Variants in DIDO1 observed in about 807,000 individuals in gnomAD.
DIDO1 encodes death-inducer obliterator 1.
Under a neutral mutation model 99.4 loss-of-function variants are expected in DIDO1, and 16 were observed. That is an observed-to-expected ratio of 0.16 (90% CI 0.11 to 0.24). The LOEUF is 0.24. DIDO1 is among the 10% of genes least tolerant of loss of function. The pLI is 1.00. For synonymous variants in DIDO1, 1,366 were observed against 1,239.1 expected, an observed-to-expected ratio of 1.10 and a Z score of -2.15; for missense variants, 2,996 against 3,014.0, an observed-to-expected ratio of 0.99 and a Z score of 0.14.
chr20:62,879,748 A>C lies in DIDO1; in HGVS notation c.6208T>G (p.Phe2070Val). 1 of 1,611,580 alleles carries C rather than the reference A, an allele frequency of 6.2e-7. No individual in the cohort carries two copies. Residue 2070 changes from phenylalanine (F) to valine (V), a missense_variant, in exon 16 of 16, where the codon TTC becomes GTC. Coordinates refer to ENST00000395343, the MANE Select transcript of DIDO1 (RefSeq NM_001193369.2). This position sits in a 1 kb window ranked among gnomAD's most constrained non-coding sequence, Gnocchi z 6.3. ...TATTCGTGGCCTTTCCCCTCTCGGA[A>C]GTCGGCCGATGCCCACTGTCCGTCG... ...EADGQWASAD[F>V]REGKGHEYRN...
intron 6 of DIDO1, 152 bp downstream of exon 6, chr20:62,905,734 TG>T: frequency 6.2e-7 from 1 of 1,607,168 alleles, no homozygotes; most frequent in Non-Finnish European, 8.5e-7. Flanking sequence ...GGAGGCATCC[TG>T]GACATGGGCT....
intron 1 of DIDO1, among the ~76,000 whole-genome samples, chr20:62,915,105 C>T (rs1162591415): frequency 6.6e-6 from 1 of 152,174 alleles, no homozygotes; most frequent in African/African-American, 2.4e-5. Flanking sequence ...AGCCTCAAGA[C>T]CAACTGCCTT....
chr20:62,880,490 G>A lies in DIDO1; in HGVS notation c.5466C>T (p.Asp1822=), dbSNP rs2064181144. The A allele has an allele frequency of 1.2e-6, 2 of 1,612,992 alleles. No homozygotes were observed. Among genetic ancestry groups the A allele is most frequent in the African/African-American group, 1.3e-5 (1 of 75,064 alleles). ...SGQHGPPPYG[D]SRGPSPSYLG... ...GGTAAGAGGGTGAGGGGCCTCTGCTGTCCCCATAAGGAGGTGGCCCATGTT... is the reference window on the plus strand; with the variant it reads ...GGTAAGAGGGTGAGGGGCCTCTGCTATCCCCATAAGGAGGTGGCCCATGTT... Residue 1822 remains aspartate, a synonymous_variant, in exon 16 of 16, where the codon GAC becomes GAT. Coordinates refer to ENST00000395343, the MANE Select transcript of DIDO1 (RefSeq NM_001193369.2).
chr20:62,897,134 T>C, intron 6 of DIDO1, 138 bp from the exon 7 acceptor site: 3 of 794,472 alleles, frequency 3.8e-6, no homozygotes, highest in Non-Finnish European at 3.9e-6. Context: ...GAGAAAAGGA[T>C]TTGTAAAATG....
At position 62,892,980 on chromosome 20, in the gene DIDO1, A is replaced by T. The variant is rs762496623; in HGVS notation, c.3102-18T>A. 10 of 1,564,826 alleles carry T rather than the reference A, an allele frequency of 6.4e-6. No homozygotes were observed. The East Asian group carries it at 1.4e-4, about 21-fold the overall frequency. The stretch of plus-strand genomic sequence containing the variant: ...CTGAAGTGCTGTAAAACAAAACCAT[A>T]AAAAAAAAGTCAATGTCTCTCTGTG... On this transcript the variant is annotated intron_variant, in intron 12 of 15. Transcript: ENST00000395343.
In DIDO1 at chr20:62,893,882, G is replaced by T; in HGVS notation, c.2885C>A (p.Thr962Lys). ...SCGSGVVTTV[T>K]VSGRDPRTAP... is the part of the protein sequence containing the mutation. ...GGTCCTGGGGTCCCGGCCGGACACT[G>T]TGACGGTGGTGACCACCCCGCTCCC... The change falls in exon 12 of 16, where the codon ACA becomes AAA. Residue 962 changes from threonine to lysine, a missense_variant. Thr to Lys is a moderately conservative substitution (Grantham distance 78, BLOSUM62 -1). This residue lies in a region of DIDO1 where 898 missense variants were observed against 972.7 expected (regional missense o/e 0.92). Coordinates refer to ENST00000395343, the MANE Select transcript of DIDO1 (RefSeq NM_001193369.2). 1 of 1,611,554 alleles carries T rather than the reference G, an allele frequency of 6.2e-7. No homozygotes were observed. The highest frequency in any genetic ancestry group is 8.5e-7 in the Non-Finnish European group (1 of 1,178,136).
chr20:62,911,701 C>T lies in DIDO1; in HGVS notation c.-2-87G>A. The T allele has an allele frequency of 8.1e-7, 1 of 1,230,778 alleles. No individual in the cohort carries two copies. The allele number at this position is 1,230,778 out of a possible 1,614,324, so 76.2% of individuals were successfully genotyped here. A position where few individuals can be genotyped will look rare whatever the true frequency, so the allele number is the denominator to read the frequency against. On this transcript the variant is annotated intron_variant, in intron 2 of 15. Coordinates refer to ENST00000395343, the MANE Select transcript of DIDO1 (RefSeq NM_001193369.2). This position sits in a 1 kb window ranked among gnomAD's most constrained non-coding sequence, Gnocchi z 7.0. ...GCCAAACACGCGCAGCAGGGGCCAC[C>T]TCCCTACAAACAGTGGAGCTCTACA...
chr20:62,902,769 G>A (rs2064712603), intron 6 of DIDO1, among the ~76,000 whole-genome samples: 1 of 152,214 alleles, frequency 6.6e-6, no homozygotes, highest in Non-Finnish European at 1.5e-5. Context: ...CTGGATTTGG[G>A]TTTACAAACT....
At position 62,896,380 on chromosome 20, in the gene DIDO1, G is replaced by A. The variant is rs369989573; in HGVS notation, c.2067C>T (p.Ser689=). The A allele has an allele frequency of 2.9e-5, 47 of 1,613,874 alleles. No individual in the cohort carries two copies. Among genetic ancestry groups the A allele is most frequent in the East Asian group, 4.5e-5 (2 of 44,894 alleles). Residue 689 remains serine (S), a synonymous_variant, in exon 8 of 16, where the codon AGC becomes AGT. Coordinates refer to ENST00000395343, the MANE Select transcript of DIDO1 (RefSeq NM_001193369.2). The surrounding 1 kb of genome is among the most constrained non-coding windows in gnomAD (Gnocchi z 4.4). ...KEILWKRVND[S]DDLIMTENEV... ...CGTTTTCTGTCATGATTAAGTCATCGCTGTCATTGACTCTGAACAGAATAA... is the reference window on the plus strand; with the variant it reads ...CGTTTTCTGTCATGATTAAGTCATCACTGTCATTGACTCTGAACAGAATAA...
intron 6 of DIDO1, chr20:62,905,479 C>G: frequency 6.5e-7 from 1 of 1,545,304 alleles, no homozygotes; most frequent in Non-Finnish European, 8.7e-7. Flanking sequence ...TGTGGAAAAA[C>G]TGAAGCGTAT....
chr20:62,887,206 A>C, intron 15 of DIDO1: 1 of 985,518 alleles, frequency 1.0e-6, no homozygotes, highest in South Asian at 4.7e-5. Flanking sequence ...CAAACAAACA[A>C]GGACCAGTTT....
intron 15 of DIDO1, among the ~76,000 whole-genome samples, chr20:62,885,953 G>A (rs1284515292): frequency 6.6e-6 from 1 of 152,226 alleles, no homozygotes; most frequent in African/African-American, 2.4e-5. Flanking sequence ...GGCAGTCGAG[G>A]TTGCCCAGGG....
Position 62,882,314 on chromosome 20 carries a change from C to G in DIDO1, c.3642G>C (p.Lys1214Asn), listed in dbSNP as rs750310906. ...CTTCTTCCGGTTGAAGTCGGGTCCG[C>G]TTTTCGTCCATCTTGTCTAACTCTC... ...NSGELDKMDEKRTRLQPEEAD... is the reference protein window; with the variant it reads ...NSGELDKMDENRTRLQPEEAD... Residue 1214 changes from lysine (K) to asparagine (N), a missense_variant, in exon 16 of 16, where the codon AAG becomes AAC. Around this residue, in one of 5 missense-constraint regions of DIDO1, gnomAD observed 1,562 missense variants for 1,412.6 expected, o/e 1.11. Coordinates refer to ENST00000395343, the MANE Select transcript of DIDO1 (RefSeq NM_001193369.2). 6.2e-7 allele frequency: 1 copy of G among 1,614,068 alleles called. No individual in the cohort carries two copies. Among genetic ancestry groups the G allele is most frequent in the South Asian group, 1.1e-5 (1 of 91,084 alleles).
At chr20:62,935,435 G>A (rs746606890) in intron 1 of DIDO1, among the ~76,000 whole-genome samples, 1 of 152,114 alleles carries the variant, frequency 6.6e-6, no homozygotes, top group African/African-American at 2.4e-5. Context: ...GCAACCACAC[G>A]GACCGTGTGC....
In DIDO1 at chr20:62,880,967, C is replaced by T. The variant is rs762513670; in HGVS notation, c.4989G>A (p.Pro1663=). ...RPARRVLLPT[P]PCGALQPGFP... ...AGCCGGGCTGCAGGGCGCCGCAAGG[C>T]GGTGTGGGCAGCAGCACCCTCCGGG... Residue 1663 remains proline (P), a synonymous_variant, in exon 16 of 16, where the codon CCG becomes CCA. Transcript: ENST00000395343. The T allele has an allele frequency of 1.0e-5, 16 of 1,606,608 alleles. No individual in the cohort carries two copies. The East Asian group carries it at 2.5e-4, about 25-fold the overall frequency.
chr20:62,904,447 A>G (rs1199248141), intron 6 of DIDO1, among the ~76,000 whole-genome samples: 2 of 152,164 alleles, frequency 1.3e-5, no homozygotes, highest in African/African-American at 2.4e-5. Flanking sequence ...AACGAGGGAC[A>G]TATTTTTCTT....
At chr20:62,887,704 C>A (rs2064318183) in intron 15 of DIDO1, 1 of 985,392 alleles carries the variant, frequency 1.0e-6, no homozygotes, top group South Asian at 4.7e-5. Flanking sequence ...CAGAACCCTA[C>A]ACGATGAGCT....
chr20:62,897,862 G>A (rs908589481), intron 6 of DIDO1, among the ~76,000 whole-genome samples: 3 of 152,202 alleles, frequency 2.0e-5, no homozygotes, highest in Admixed American at 6.5e-5. Context: ...GAGGTGCACC[G>A]CATGCCGGGG....
chr20:62,912,139 T>G (rs1485518446), intron 2 of DIDO1, among the ~76,000 whole-genome samples: 1 of 152,170 alleles, frequency 6.6e-6, no homozygotes, highest in African/African-American at 2.4e-5. Flanking sequence ...GCCACCACCA[T>G]GCTGAAAAGA....
Sources: allele counts gnomAD v4.1 joint callset (sites outside exome capture counted in the v4.1 genomes callset), GRCh38; gene constraint gnomAD v4.1.1; regional missense constraint gnomAD v4.1.1; non-coding constraint Gnocchi (gnomAD v3.1); transcripts MANE v1.5; gene names NCBI Gene and HGNC (gene_info 2026-07-23, HGNC 2026-07-21).